Variants in ANKS1B observed in about 807,000 individuals in gnomAD.
ANKS1B encodes the protein ankyrin repeat and sterile alpha motif domain-containing protein 1B.
Under a neutral mutation model 148.3 loss-of-function variants are expected in ANKS1B, and 36 were observed. That is an observed-to-expected ratio of 0.24 (90% CI 0.19 to 0.32). The LOEUF (loss-of-function observed/expected upper bound fraction) is 0.32. Ranked by LOEUF, ANKS1B falls within the 10% of genes least tolerant of loss-of-function variation. ANKS1B has a pLI of 1.00. For synonymous variants in ANKS1B, 542 were observed against 560.8 expected (o/e 0.97, Z 0.47); for missense variants, 1,157 against 1,542.6 (o/e 0.75, Z 4.19).
chr12:99,199,661 C>A (rs148162740), intron 14 of ANKS1B, among the ~76,000 whole-genome samples: 1 of 152,118 alleles, frequency 6.6e-6, no homozygotes, highest in Non-Finnish European at 1.5e-5. Context: ...CTGTAACTCT[C>A]CTCCTTATAA....
At chr12:99,240,469 C>T (rs763297668) in intron 14 of ANKS1B, among the ~76,000 whole-genome samples, 26 of 152,136 alleles carry the variant, frequency 1.7e-4, no homozygotes, top group Non-Finnish European at 3.4e-4. Context: ...TAATGATAGA[C>T]TTTAACACCC....
At chr12:99,116,089 T>C (rs951802104) in intron 15 of ANKS1B, among the ~76,000 whole-genome samples, 1 of 152,166 alleles carries the variant, frequency 6.6e-6, no homozygotes, top group African/African-American at 2.4e-5. Context: ...ATAGTTTCTA[T>C]TGTGTAGGAT....
chr12:99,253,045 A>G (rs1432150064), intron 12 of ANKS1B, among the ~76,000 whole-genome samples: 3 of 152,088 alleles, frequency 2.0e-5, no homozygotes, highest in Admixed American at 2.0e-4. Flanking sequence ...GCAACATAGC[A>G]AGACCTCATC....
chr12:99,431,169 G>A (rs758876920), intron 11 of ANKS1B, among the ~76,000 whole-genome samples: 32 of 152,280 alleles, frequency 2.1e-4, no homozygotes, highest in African/African-American at 7.7e-4. Context: ...TAGGCATTTA[G>A]CACCATTGAT....
At chr12:98,779,533 G>A (rs2098713566) in intron 24 of ANKS1B, among the ~76,000 whole-genome samples, 3 of 152,048 alleles carry the variant, frequency 2.0e-5, no homozygotes, top group Non-Finnish European at 1.5e-5. Context: ...TTCATCCACT[G>A]AAAATATACT....
chr12:99,775,521 T>A, intron 7 of ANKS1B, 27 bp downstream of exon 7: 1 of 1,497,252 alleles, frequency 6.7e-7, no homozygotes, highest in Non-Finnish European at 9.3e-7. Context: ...TAGTATAGAT[T>A]CCAGGGCTTT....
intron 17 of ANKS1B, among the ~76,000 whole-genome samples, chr12:99,021,064 C>T (rs578124524): frequency 2.0e-5 from 3 of 152,180 alleles, no homozygotes; most frequent in Non-Finnish European, 2.9e-5. Context: ...CTTATGACAA[C>T]TCTCTGAGTC....
intron 8 of ANKS1B, among the ~76,000 whole-genome samples, chr12:99,739,292 A>T (rs1434624381): frequency 7.2e-6 from 1 of 139,280 alleles, no homozygotes; most frequent in African/African-American, 2.7e-5. Context: ...CTTTTACATT[A>T]ATACTCTGGA....
chr12:99,893,646 C>T (rs1335991438), intron 1 of ANKS1B, among the ~76,000 whole-genome samples: 1 of 152,088 alleles, frequency 6.6e-6, no homozygotes, highest in African/African-American at 2.4e-5. Flanking sequence ...TTCTTTTTGA[C>T]AAACTGTCTG....
intron 12 of ANKS1B, among the ~76,000 whole-genome samples, chr12:99,348,040 A>G (rs2090954793): frequency 6.6e-6 from 1 of 152,044 alleles, no homozygotes; most frequent in Non-Finnish European, 1.5e-5. Context: ...GTACAAGTAT[A>G]ATACTGAAAT....
intron 4 of ANKS1B, among the ~76,000 whole-genome samples, chr12:99,793,391 G>A (rs993799945): frequency 6.6e-6 from 1 of 151,884 alleles, no homozygotes; most frequent in Non-Finnish European, 1.5e-5. Context: ...GCAAACCTGA[G>A]CAAAAAGAAT....
At chr12:98,739,934 T>C (rs1022243127), downstream of ANKS1B, among the ~76,000 whole-genome samples, 1 of 152,036 alleles carries the variant, frequency 6.6e-6, no homozygotes, top group Admixed American at 6.6e-5. Flanking sequence ...ACCACCTCCT[T>C]CTCCTTATGG....
At chr12:99,464,552 T>A (rs2152873453) in intron 10 of ANKS1B, among the ~76,000 whole-genome samples, 1 of 152,222 alleles carries the variant, frequency 6.6e-6, no homozygotes. Context: ...GAAAAAAATT[T>A]AGATGAATGT....
chr12:99,496,032 C>A (rs1455680963), intron 10 of ANKS1B, among the ~76,000 whole-genome samples: 2 of 151,986 alleles, frequency 1.3e-5, no homozygotes, highest in Non-Finnish European at 2.9e-5. Flanking sequence ...TAACTAAGAC[C>A]CACACTATCT....
intron 17 of ANKS1B, among the ~76,000 whole-genome samples, chr12:99,039,667 AGTTTGTTTGTTT>A (rs376828296): frequency 7.2e-4 from 109 of 152,152 alleles, no homozygotes; most frequent in African/African-American, 2.6e-3. Context: ...GCTCCTCTGC[AGTTTGTTTGTTT>A]GTTTGTTTGT....
At chr12:99,531,192 C>A (rs1001153573) in intron 9 of ANKS1B, among the ~76,000 whole-genome samples, 3 of 152,240 alleles carry the variant, frequency 2.0e-5, no homozygotes, top group Admixed American at 2.0e-4. Context: ...GATATTAAAT[C>A]AGTATCTCAT....
At chr12:99,596,010 TG>T (rs2097755811) in intron 9 of ANKS1B, among the ~76,000 whole-genome samples, 1 of 151,938 alleles carries the variant, frequency 6.6e-6, no homozygotes, top group Non-Finnish European at 1.5e-5. Flanking sequence ...CAGCTAGCTA[TG>T]AAATAATTTT....
chr12:99,509,599 T>C (rs2096744031), intron 9 of ANKS1B, among the ~76,000 whole-genome samples: 2 of 151,944 alleles, frequency 1.3e-5, no homozygotes, highest in South Asian at 2.1e-4. Flanking sequence ...CTGCAGAAGT[T>C]TGAAGCTGGC....
chr12:99,934,919 A>T (rs2094720771), intron 1 of ANKS1B, among the ~76,000 whole-genome samples: 1 of 152,168 alleles, frequency 6.6e-6, no homozygotes, highest in African/African-American at 2.4e-5. Context: ...ACCAAAAAGA[A>T]TGATTGCCTT....
Sources: allele counts gnomAD v4.1 joint callset (sites outside exome capture counted in the v4.1 genomes callset), GRCh38; gene constraint gnomAD v4.1.1; transcripts MANE v1.5; gene names NCBI Gene and HGNC (gene_info 2026-07-23, HGNC 2026-07-21).